Variants in ASTN2 observed in about 807,000 individuals in gnomAD.
ASTN2 encodes the protein astrotactin-2.
A neutral mutation model predicts 139.8 loss-of-function variants in ASTN2; 54 were observed. That is an observed-to-expected ratio of 0.39 (90% confidence interval 0.31 to 0.48). ASTN2 has a LOEUF of 0.48. Among genes scored for constraint, ASTN2 ranks in the 20% least tolerant of loss-of-function variants. The pLI is 0.95. For synonymous variants in ASTN2, 756 were observed against 719.5 expected (o/e 1.05, Z -0.81); for missense variants, 1,565 against 1,725.1 (o/e 0.91, Z 1.64).
intron 4 of ASTN2, among the ~76,000 whole-genome samples, chr9:117,133,783 A>G (rs1829878796): frequency 6.6e-6 from 1 of 152,138 alleles, no homozygotes; most frequent in Non-Finnish European, 1.5e-5. Context: ...TCACAGAGAA[A>G]ATGGTTTAAA....
At chr9:116,697,745 G>A (rs1344897654) in intron 16 of ASTN2, 2 of 1,613,812 alleles carry the variant, frequency 1.2e-6, no homozygotes, top group South Asian at 2.2e-5. Flanking sequence ...GAAGAGCAAT[G>A]GCTGCAGCAG....
intron 10 of ASTN2, among the ~76,000 whole-genome samples, chr9:116,925,332 G>A (rs954016778): frequency 1.3e-5 from 2 of 152,190 alleles, no homozygotes; most frequent in Admixed American, 1.3e-4. Flanking sequence ...CTTATGAGGA[G>A]GAGTGAGGAG....
rs78604077 is a variant in ASTN2 at position 116,969,897 on chromosome 9, G to T, written c.1889+5311C>A. On this transcript the variant is annotated intron_variant, in intron 10 of 22. Coordinates refer to ENST00000313400, the MANE Select transcript of ASTN2 (RefSeq NM_001365068.1). ...CAACAAATCACCACAAACTGGGGCA[G>T]CTTCAAACAACCAGAAATCTGAAAT... Among the ~76,000 whole-genome samples, 59 of 152,264 alleles carry T rather than the reference G, an allele frequency of 3.9e-4. No homozygotes were observed. In the East Asian group the frequency reaches 0.011, roughly 28 times the overall value.
chr9:117,303,677 C>T (rs1239796303), intron 1 of ASTN2, among the ~76,000 whole-genome samples: 2 of 152,190 alleles, frequency 1.3e-5, no homozygotes, highest in Non-Finnish European at 2.9e-5. Context: ...TTTTTACCAA[C>T]CTAACTCTTA....
chr9:116,976,003 G>T, intron 9 of ASTN2, 111 bp downstream of exon 9: 2 of 994,088 alleles, frequency 2.0e-6, no homozygotes. Flanking sequence ...TTTGTACTCA[G>T]TGCAGCTCAG....
intron 10 of ASTN2, among the ~76,000 whole-genome samples, chr9:116,911,581 A>G (rs1564337160): frequency 6.6e-6 from 1 of 152,248 alleles, no homozygotes; most frequent in Non-Finnish European, 1.5e-5. Context: ...TTACAACTGT[A>G]TCATGGTAAA....
chr9:117,103,632 C>CCTGCTCT (rs1415485626), intron 4 of ASTN2, among the ~76,000 whole-genome samples: 1 of 152,206 alleles, frequency 6.6e-6, no homozygotes, highest in Non-Finnish European at 1.5e-5. Flanking sequence ...CACTCCATCT[C>CCTGCTCT]CTGCTCTTGC....
intron 6 of ASTN2, among the ~76,000 whole-genome samples, chr9:117,034,069 C>T (rs1838319408): frequency 6.6e-6 from 1 of 152,100 alleles, no homozygotes. Context: ...GAATAACTTC[C>T]AATGTATAAC....
At chr9:117,145,619 C>T (rs761568094) in intron 3 of ASTN2, among the ~76,000 whole-genome samples, 1 of 151,558 alleles carries the variant, frequency 6.6e-6, no homozygotes, top group Non-Finnish European at 1.5e-5. Flanking sequence ...AACCATGTCT[C>T]CCTGCCTTTT....
In ASTN2 at chr9:117,266,780, A is replaced by C. The variant is rs564260171; in HGVS notation, c.630+24546T>G. Reference sequence around the variant, plus strand: ...AGATCAACTGATGAATAATAAAATTAGTGGGTATAAACTTTTTAGAGAAAC... The same window carrying C: ...AGATCAACTGATGAATAATAAAATTCGTGGGTATAAACTTTTTAGAGAAAC... On this transcript the variant is annotated intron_variant, in intron 2 of 22. Coordinates refer to ENST00000313400, the MANE Select transcript of ASTN2 (RefSeq NM_001365068.1). Among the ~76,000 whole-genome samples the C allele has an allele frequency of 3.9e-5, 6 of 152,354 alleles. No individual in the cohort carries two copies. The East Asian group carries it at 1.2e-3, about 29-fold the overall frequency.
At chr9:117,270,891 G>T (rs762851722) in intron 2 of ASTN2, among the ~76,000 whole-genome samples, 2 of 152,118 alleles carry the variant, frequency 1.3e-5, no homozygotes, top group African/African-American at 2.4e-5. Flanking sequence ...GAGTTGATTC[G>T]TGAAAGTATA....
chr9:117,240,815 G>T (rs900758083), intron 2 of ASTN2, among the ~76,000 whole-genome samples: 1 of 152,128 alleles, frequency 6.6e-6, no homozygotes, highest in East Asian at 1.9e-4. Flanking sequence ...ATAGCATATG[G>T]GGGGCTTGAC....
intron 11 of ASTN2, among the ~76,000 whole-genome samples, chr9:116,856,949 TC>T (rs1213447267): frequency 6.6e-6 from 1 of 152,168 alleles, no homozygotes; most frequent in Non-Finnish European, 1.5e-5. Flanking sequence ...TCCTTCCACT[TC>T]CCTTAGTCCT....
intron 2 of ASTN2, among the ~76,000 whole-genome samples, chr9:117,258,281 G>C (rs1255502944): frequency 1.3e-5 from 2 of 152,144 alleles, no homozygotes; most frequent in Non-Finnish European, 2.9e-5. Context: ...CAGACTCAGA[G>C]AGTCTCTGCG....
In ASTN2 at chr9:116,597,714, G is replaced by A. The variant is rs575464182; in HGVS notation, c.3355+20610C>T. 3.1e-3 allele frequency among the ~76,000 whole-genome samples: 473 copies of A among 152,212 alleles called. 5 individuals are homozygous for A. Among genetic ancestry groups the A allele is most frequent in the Middle Eastern group, 0.017 (5 of 294 alleles). On this transcript the variant is annotated intron_variant, in intron 19 of 22. Coordinates refer to ENST00000313400, the MANE Select transcript of ASTN2 (RefSeq NM_001365068.1). ...TGTATAATGTGAGTGAGAGGTGAGG[G>A]GTGGGTAGGGGATATTGGGTAGGTG...
chr9:117,377,796 T>A lies in ASTN2; in HGVS notation c.442+36701A>T, dbSNP rs145257251. On this transcript the variant is annotated intron_variant, in intron 1 of 22. Transcript: ENST00000313400. ...AATGATATGGATCCAAATATTCTAA[T>A]GTTGAAAGATTTCCAATCATTTTAA... 5.9e-3 allele frequency among the ~76,000 whole-genome samples: 891 copies of A among 152,272 alleles called. 14 individuals are homozygous for A. Among genetic ancestry groups the A allele is most frequent in the African/African-American group, 0.02 (848 of 41,564 alleles).
At chr9:116,486,131 A>G (rs1222770731) in intron 20 of ASTN2, among the ~76,000 whole-genome samples, 1 of 152,248 alleles carries the variant, frequency 6.6e-6, no homozygotes, top group African/African-American at 2.4e-5. Context: ...CTAAAGTCAC[A>G]TAACTAAAAA....
At chr9:117,225,535 G>GTATGTA (rs369914209) in intron 2 of ASTN2, among the ~76,000 whole-genome samples, 92 of 63,840 alleles carry the variant, frequency 1.4e-3, no homozygotes, top group African/African-American at 3.1e-3. Context: ...CAAGCTGTAT[G>GTATGTA]TATATATATA....
chr9:116,698,684 T>G lies in ASTN2; in HGVS notation c.2806+27087A>C, dbSNP rs748493211. The G allele has an allele frequency of 6.2e-7, 1 of 1,614,198 alleles. No homozygotes were observed. The highest frequency in any genetic ancestry group is 1.7e-5 in the Admixed American group (1 of 60,022). On this transcript the variant is annotated intron_variant, in intron 16 of 22. Transcript: ENST00000313400. This position sits in a 1 kb window ranked among gnomAD's most constrained non-coding sequence, Gnocchi z 4.4. ...CCTGGGCCATGGAGGCCACAGCGTCTGCTGCCTCTACCTCTGTTACTTTTA... is the reference window on the plus strand; with the variant it reads ...CCTGGGCCATGGAGGCCACAGCGTCGGCTGCCTCTACCTCTGTTACTTTTA...
Sources: allele counts gnomAD v4.1 joint callset (sites outside exome capture counted in the v4.1 genomes callset), GRCh38; gene constraint gnomAD v4.1.1; non-coding constraint Gnocchi (gnomAD v3.1); transcripts MANE v1.5; gene names NCBI Gene and HGNC (gene_info 2026-07-23, HGNC 2026-07-21).